Variants in TRHR observed in about 807,000 individuals in gnomAD.
The protein encoded by TRHR is thyrotropin-releasing hormone receptor.
In TRHR, 14 loss-of-function variants were observed where a neutral mutation model predicts 28.0. The observed-to-expected ratio is 0.50, with a 90% CI of 0.33 to 0.78. The LOEUF (loss-of-function observed/expected upper bound fraction) is 0.78, where lower values mean the gene tolerates loss of function less well. Ranked by LOEUF, TRHR falls within the 30% of genes least tolerant of loss-of-function variation. The pLI, the probability that TRHR is intolerant of heterozygous loss-of-function variation, is 0.02. For missense variants in TRHR, 438 were observed against 469.5 expected (o/e 0.93, Z 0.62); for synonymous variants, 176 against 171.9 (o/e 1.02, Z -0.18).
At chr8:109,089,053 A>G (rs1273931928) in intron 2 of TRHR, among the ~76,000 whole-genome samples, 1 of 152,228 alleles carries the variant, frequency 6.6e-6, no homozygotes, top group Non-Finnish European at 1.5e-5. Flanking sequence ...GCATATAATT[A>G]GTTGAATAGT....
chr8:109,111,262 A>G (rs553448421), intron 2 of TRHR, among the ~76,000 whole-genome samples: 1 of 152,342 alleles, frequency 6.6e-6, no homozygotes, highest in African/African-American at 2.4e-5. Flanking sequence ...GCTTCCAATT[A>G]GTGTGGAAGC....
chr8:109,117,518 ATGCT>A (rs1811938569), intron 2 of TRHR, among the ~76,000 whole-genome samples: 1 of 151,804 alleles, frequency 6.6e-6, no homozygotes, highest in Non-Finnish European at 1.5e-5. Context: ...TCAATGTAGG[ATGCT>A]TTACCCCTGA....
At position 109,119,135 on chromosome 8, in the gene TRHR, TC is replaced by T; in HGVS notation, c.879del (p.Ser294ValfsTer25). The T allele has an allele frequency of 6.2e-7, 1 of 1,612,960 alleles. No individual in the cohort carries two copies. The highest frequency in any genetic ancestry group is 1.3e-5 in the African/African-American group (1 of 74,904). ...RTLVVVNSFL[S>X]SPFQENWFLL... is the part of the protein sequence containing the mutation. The stretch of plus-strand genomic sequence containing the variant: ...TCTAGTGGTTGTCAACTCATTTCTC[TC>T]CAGTCCTTTCCAAGAAAATTGGTTT... On this transcript the variant is annotated frameshift_variant, in exon 3 of 3. Transcript: ENST00000518632. LOFTEE classifies it high-confidence loss of function.
intron 2 of TRHR, among the ~76,000 whole-genome samples, chr8:109,097,341 T>A (rs1811609489): frequency 6.6e-6 from 1 of 152,158 alleles, no homozygotes; most frequent in Non-Finnish European, 1.5e-5. Flanking sequence ...AATATATATA[T>A]ATATCTCCAA....
chr8:109,115,230 G>C (rs1811902188), intron 2 of TRHR, among the ~76,000 whole-genome samples: 1 of 152,078 alleles, frequency 6.6e-6, no homozygotes, highest in South Asian at 2.1e-4. Context: ...TTGTAGTATA[G>C]TTTGAAGTCA....
chr8:109,087,848 C>T lies in TRHR; in HGVS notation c.336C>T (p.Ser112=). ...TCCAGTATTTGGGAATTAATGCATC[C>T]TCTTGTTCAATAACAGCCTTTACCA... The part of the protein sequence containing the change: ...TYLQYLGINA[S]SCSITAFTIE... The change falls in exon 2 of 3, where the codon TCC becomes TCT. Residue 112 remains serine, a synonymous_variant. Coordinates refer to ENST00000518632, the MANE Select transcript of TRHR (RefSeq NM_003301.7). 6.2e-7 allele frequency: 1 copy of T among 1,614,160 alleles called. No homozygotes were observed. The highest frequency in any genetic ancestry group is 8.5e-7 in the Non-Finnish European group (1 of 1,180,026).
intron 2 of TRHR, among the ~76,000 whole-genome samples, chr8:109,102,809 G>C (rs1174152500): frequency 6.6e-6 from 1 of 152,052 alleles, no homozygotes; most frequent in East Asian, 1.9e-4. Flanking sequence ...CAGCTGATCT[G>C]AATTTCTTTG....
At chr8:109,118,923 G>T in intron 2 of TRHR, 125 bp from the exon 3 acceptor site, 1 of 1,180,916 alleles carries the variant, frequency 8.5e-7, no homozygotes. Context: ...CCCAATAAAT[G>T]ACCTGCACCT....
chr8:109,091,880 T>C (rs1811521699), intron 2 of TRHR, among the ~76,000 whole-genome samples: 2 of 152,228 alleles, frequency 1.3e-5, no homozygotes, highest in South Asian at 4.1e-4. Context: ...AAAGGAGACA[T>C]TGTTTAAATT....
intron 2 of TRHR, among the ~76,000 whole-genome samples, chr8:109,116,610 C>T (rs1398403897): frequency 6.6e-6 from 1 of 152,100 alleles, no homozygotes; most frequent in African/African-American, 2.4e-5. Context: ...ATAGTACATT[C>T]TGATGGTAGT....
At chr8:109,105,965 T>C (rs1586191585) in intron 2 of TRHR, among the ~76,000 whole-genome samples, 1 of 152,170 alleles carries the variant, frequency 6.6e-6, no homozygotes, top group Non-Finnish European at 1.5e-5. Context: ...AATAATTATA[T>C]ACTTGGTACA....
intron 2 of TRHR, among the ~76,000 whole-genome samples, chr8:109,116,161 C>G (rs1811917827): frequency 6.6e-6 from 1 of 152,146 alleles, no homozygotes; most frequent in Non-Finnish European, 1.5e-5. Context: ...CCCACTTGAT[C>G]ATGATGGATA....
intron 1 of TRHR, 26 bp from the exon 2 acceptor site, chr8:109,087,399 T>C (rs1811448094): frequency 1.8e-6 from 2 of 1,117,614 alleles, no homozygotes; most frequent in Non-Finnish European, 2.6e-6. Flanking sequence ...ACACTGTTAA[T>C]GAATATGTAC....
intron 2 of TRHR, among the ~76,000 whole-genome samples, chr8:109,107,465 G>A (rs1487346508): frequency 6.6e-6 from 1 of 152,170 alleles, no homozygotes; most frequent in Non-Finnish European, 1.5e-5. Flanking sequence ...AGATTCCAGC[G>A]AGGTCTGCCT....
In TRHR at chr8:109,101,407, G is replaced by A. The variant is rs188053286; in HGVS notation, c.789+13106G>A. ...GAATTCCAATTTCACCCCTTGGAGC[G>A]AGAGCCAGGTTTGGCTGCAGACTAT... On this transcript the variant is annotated intron_variant, in intron 2 of 2. Coordinates refer to ENST00000518632, the MANE Select transcript of TRHR (RefSeq NM_003301.7). 1.4e-4 allele frequency among the ~76,000 whole-genome samples: 21 copies of A among 152,224 alleles called. No individual in the cohort carries two copies. The East Asian group carries it at 2.3e-3, about 17-fold the overall frequency.
rs1811965612 is a variant in TRHR at position 109,119,219 on chromosome 8, A to C, written c.961A>C (p.Asn321His). ...LNSAINPVIYNLMSQKFRAAF... is the reference protein window; with the variant it reads ...LNSAINPVIYHLMSQKFRAAF... ...CAGTGCCATCAACCCGGTGATTTAC[A>C]ATCTCATGTCCCAGAAATTCCGTGC... is the stretch of plus-strand genomic sequence containing the variant. Residue 321 changes from asparagine (N) to histidine (H), a missense_variant, in exon 3 of 3, where the codon AAT (asparagine) becomes CAT (histidine). Physicochemically the swap from Asn to His is moderately conservative, Grantham distance 68. Coordinates refer to ENST00000518632, the MANE Select transcript of TRHR (RefSeq NM_003301.7). 1 of 1,612,882 alleles carries C rather than the reference A, an allele frequency of 6.2e-7. No individual in the cohort carries two copies. The highest frequency in any genetic ancestry group is 8.5e-7 in the Non-Finnish European group (1 of 1,179,278).
intron 2 of TRHR, among the ~76,000 whole-genome samples, chr8:109,100,388 T>G (rs1811659961): frequency 2.6e-5 from 4 of 152,052 alleles, no homozygotes; most frequent in Admixed American, 6.6e-5. Flanking sequence ...TACGTTGGCA[T>G]AAAACAACTG....
intron 2 of TRHR, among the ~76,000 whole-genome samples, chr8:109,101,297 G>A (rs991091274): frequency 1.3e-5 from 2 of 152,158 alleles, no homozygotes; most frequent in African/African-American, 4.8e-5. Flanking sequence ...GGTGTGAGAA[G>A]ATGTGTAGAA....
intron 2 of TRHR, among the ~76,000 whole-genome samples, chr8:109,100,917 A>G (rs547218955): frequency 1.7e-4 from 26 of 152,274 alleles, no homozygotes; most frequent in Admixed American, 6.5e-4. Flanking sequence ...AAATAACACA[A>G]TCAGTCCAGA....
Sources: gnomAD v4.1 joint callset for allele counts (sites outside exome capture counted in the v4.1 genomes callset) on GRCh38, gnomAD v4.1.1 for gene constraint, MANE v1.5 for transcripts, NCBI Gene and HGNC (gene_info 2026-07-23, HGNC 2026-07-21) for gene names.